The following IQGAP2 variants were observed in gnomAD, a reference collection of about 807,000 sequenced individuals.
IQGAP2 encodes the protein ras GTPase-activating-like protein IQGAP2.
IQGAP2 carries 173 observed loss-of-function variants against 201.3 expected under a neutral mutation model. The observed-to-expected ratio is 0.86, with a 90% CI of 0.76 to 0.98. The LOEUF is 0.98. Among genes scored for constraint, IQGAP2 ranks in the 50% least tolerant of loss-of-function variants. IQGAP2 has a pLI of 0.00. For missense variants in IQGAP2, 1,687 were observed against 1,864.8 expected (o/e 0.90, Z 1.76); for synonymous variants, 675 against 673.9 (o/e 1.00, Z -0.03).
intron 2 of IQGAP2, among the ~76,000 whole-genome samples, chr5:76,526,745 AACT>A (rs1283794595): frequency 1.3e-5 from 2 of 152,176 alleles, no homozygotes; most frequent in African/African-American, 4.8e-5. Flanking sequence ...CTTGGATTGT[AACT>A]ACTACACCTG....
At chr5:76,681,366 C>T (rs760082589) in intron 28 of IQGAP2, among the ~76,000 whole-genome samples, 19 of 151,726 alleles carry the variant, frequency 1.3e-4, no homozygotes, top group African/African-American at 3.4e-4. Context: ...AGAATTCCTA[C>T]GAATCGACAA....
chr5:76,496,728 T>C (rs10056286), intron 2 of IQGAP2, among the ~76,000 whole-genome samples: 1,855 of 29,348 alleles, frequency 0.063, 29 homozygotes, highest in Non-Finnish European at 0.073. Context: ...TTCTTTCTTT[T>C]CTTTCTTTCT....
Position 76,575,718 on chromosome 5 carries a change from T to A in IQGAP2, c.407T>A (p.Val136Asp). 1.3e-6 allele frequency: 2 copies of A among 1,592,220 alleles called. No individual in the cohort carries two copies. The highest frequency in any genetic ancestry group is 1.1e-5 in the South Asian group (1 of 87,588). Residue 136 changes from valine to aspartate, a missense_variant, in exon 5 of 36, where the codon GTC becomes GAC. Physicochemically the swap from Val to Asp is radical, Grantham distance 152. Transcript: ENST00000274364. ...ATATTTTATCCAGAAACAACAGATG[T>A]CTATGATCGGAAAAACATACCAAGA... ...PKIFYPETTD[V>D]YDRKNIPRMI...
chr5:76,681,155 A>G (rs539200676), intron 28 of IQGAP2, among the ~76,000 whole-genome samples: 1 of 151,554 alleles, frequency 6.6e-6, no homozygotes, highest in Non-Finnish European at 1.5e-5. Flanking sequence ...ATAATTGTAA[A>G]TAATATGTTT....
chr5:76,501,261 G>A (rs1757255374), intron 2 of IQGAP2, among the ~76,000 whole-genome samples: 1 of 152,018 alleles, frequency 6.6e-6, no homozygotes, highest in Admixed American at 6.6e-5. Context: ...AAGGAATGTG[G>A]AAAAACAAAA....
intron 9 of IQGAP2, among the ~76,000 whole-genome samples, chr5:76,595,049 A>G (rs1746919221): frequency 6.6e-6 from 1 of 152,080 alleles, no homozygotes; most frequent in South Asian, 2.1e-4. Flanking sequence ...TTAAAATGTT[A>G]AGGCATCCAC....
intron 2 of IQGAP2, among the ~76,000 whole-genome samples, chr5:76,491,035 T>G (rs1253236798): frequency 6.6e-6 from 1 of 150,994 alleles, no homozygotes; most frequent in South Asian, 2.1e-4. Context: ...AGCTGGAAAC[T>G]TTCATGGCAT....
intron 2 of IQGAP2, among the ~76,000 whole-genome samples, chr5:76,515,288 G>A (rs1016256347): frequency 1.3e-5 from 2 of 152,156 alleles, no homozygotes; most frequent in African/African-American, 4.8e-5. Flanking sequence ...TGATGCTGTT[G>A]TTTTGATCAC....
intron 1 of IQGAP2, among the ~76,000 whole-genome samples, chr5:76,439,684 G>T (rs2150102722): frequency 6.6e-6 from 1 of 151,620 alleles, no homozygotes; most frequent in East Asian, 1.9e-4. Context: ...CTCTCTTTTG[G>T]TTTCCATTTG....
At chr5:76,706,866 C>T (rs1176492179) in intron 35 of IQGAP2, among the ~76,000 whole-genome samples, 1 of 152,228 alleles carries the variant, frequency 6.6e-6, no homozygotes, top group Non-Finnish European at 1.5e-5. Flanking sequence ...CAGAGAGCTA[C>T]ATAACAAGAA....
intron 21 of IQGAP2, among the ~76,000 whole-genome samples, chr5:76,663,070 G>T (rs1743407694): frequency 6.6e-6 from 1 of 152,230 alleles, no homozygotes; most frequent in South Asian, 2.1e-4. Flanking sequence ...ATGGGAGAAT[G>T]GGGTGCCAGG....
chr5:76,535,710 G>A (rs1282891730), intron 2 of IQGAP2, among the ~76,000 whole-genome samples: 4 of 152,180 alleles, frequency 2.6e-5, no homozygotes, highest in Non-Finnish European at 4.4e-5. Context: ...AGCTTGTGTA[G>A]CTACTACTGT....
intron 5 of IQGAP2, among the ~76,000 whole-genome samples, chr5:76,578,246 C>A (rs1393595831): frequency 6.6e-6 from 1 of 152,114 alleles, no homozygotes; most frequent in African/African-American, 2.4e-5. Flanking sequence ...ATGAACATTA[C>A]CACAGCAGCA....
chr5:76,693,500 C>A, intron 31 of IQGAP2, 58 bp downstream of exon 31: 1 of 1,099,236 alleles, frequency 9.1e-7, no homozygotes, highest in East Asian at 2.4e-5. Flanking sequence ...CTTCATAAAT[C>A]TTTATGCCAT....
At chr5:76,648,690 G>C (rs1251740965) in intron 17 of IQGAP2, among the ~76,000 whole-genome samples, 1 of 152,124 alleles carries the variant, frequency 6.6e-6, no homozygotes, top group Non-Finnish European at 1.5e-5. Flanking sequence ...AAAAACTAAA[G>C]CCTCAGCAAA....
chr5:76,509,053 GTGTGTA>G (rs1176135025), intron 2 of IQGAP2, among the ~76,000 whole-genome samples: 3 of 148,306 alleles, frequency 2.0e-5, no homozygotes, highest in African/African-American at 5.0e-5. Flanking sequence ...GTGTGTGTGT[GTGTGTA>G]TGTATGTATG....
intron 15 of IQGAP2, among the ~76,000 whole-genome samples, chr5:76,635,220 T>C (rs1392116238): frequency 2.0e-5 from 3 of 152,264 alleles, no homozygotes; most frequent in Admixed American, 2.0e-4. Context: ...TAAACTTGCC[T>C]GCTTCTTTTC....
intron 27 of IQGAP2, among the ~76,000 whole-genome samples, chr5:76,676,029 C>T (rs554036703): frequency 6.7e-6 from 1 of 148,266 alleles, no homozygotes; most frequent in African/African-American, 2.5e-5. Flanking sequence ...TGCAGTGAGC[C>T]GTGTTTGTGC....
chr5:76,516,415 T>C (rs1758325168), intron 2 of IQGAP2, among the ~76,000 whole-genome samples: 1 of 152,210 alleles, frequency 6.6e-6, no homozygotes, highest in African/African-American at 2.4e-5. Context: ...ATAAAAATCA[T>C]CAAGCTATAA....
Sources: gnomAD v4.1 joint callset for allele counts (sites outside exome capture counted in the v4.1 genomes callset) on GRCh38, gnomAD v4.1.1 for gene constraint, MANE v1.5 for transcripts, NCBI Gene and HGNC (gene_info 2026-07-23, HGNC 2026-07-21) for gene names.